Variants in LRRTM4 observed in about 807,000 individuals in gnomAD.
The protein encoded by LRRTM4 is leucine-rich repeat transmembrane neuronal protein 4.
In LRRTM4, 25 loss-of-function variants were observed where a neutral mutation model predicts 47.6. The observed-to-expected ratio is 0.53, with a 90% CI of 0.38 to 0.73. The LOEUF (loss-of-function observed/expected upper bound fraction) is 0.73. LRRTM4 is among the 30% of genes least tolerant of loss of function. The pLI is 0.00. For synonymous variants in LRRTM4, 311 were observed against 269.5 expected (o/e 1.15, Z -1.51); for missense variants, 638 against 713.4 (o/e 0.89, Z 1.20).
At chr2:77,354,110 G>A (rs1221507834) in intron 3 of LRRTM4, among the ~76,000 whole-genome samples, 4 of 152,162 alleles carry the variant, frequency 2.6e-5, no homozygotes, top group African/African-American at 9.7e-5. Flanking sequence ...CACTGCTATG[G>A]AAAGGGGCAG....
In LRRTM4 at chr2:76,750,018, A is replaced by G. The variant is rs377063244; in HGVS notation, c.1552-1102T>C. Among the ~76,000 whole-genome samples the G allele has an allele frequency of 5.3e-4, 81 of 152,282 alleles. No individual in the cohort carries two copies. The East Asian group carries it at 0.014, about 26-fold the overall frequency. ...CTGAGGTTTGGACTTTGCAAACCAC[A>G]TATCTGTTTTATTTGTGGTTTCCTG... On this transcript the variant is annotated intron_variant, in intron 3 of 3. Coordinates refer to ENST00000409884, the MANE Select transcript of LRRTM4 (RefSeq NM_001134745.3).
intron 3 of LRRTM4, among the ~76,000 whole-genome samples, chr2:76,966,970 T>C (rs956992522): frequency 2.0e-5 from 3 of 151,524 alleles, no homozygotes; most frequent in Non-Finnish European, 3.0e-5. Flanking sequence ...TTTTCTTGTA[T>C]AATAGTATTA....
chr2:77,472,241 G>A (rs138238131), intron 3 of LRRTM4, among the ~76,000 whole-genome samples: 31 of 152,266 alleles, frequency 2.0e-4, no homozygotes, highest in Non-Finnish European at 4.0e-4. Context: ...GAAAATATGT[G>A]TGTTAGGTGA....
intron 3 of LRRTM4, among the ~76,000 whole-genome samples, chr2:77,166,809 G>C (rs532182466): frequency 2.8e-4 from 42 of 152,258 alleles, no homozygotes; most frequent in African/African-American, 9.9e-4. Flanking sequence ...ATTAATTCAA[G>C]ATGGATTAAA....
rs144184674 is a variant in LRRTM4, at chr2:77,403,174, T to C, written c.1551+115144A>G. 1.0e-3 allele frequency among the ~76,000 whole-genome samples: 159 copies of C among 152,146 alleles called. 1 individual carries two copies. Among genetic ancestry groups the C allele is most frequent in the African/African-American group, 3.7e-3 (152 of 41,552 alleles). On this transcript the variant is annotated intron_variant, in intron 3 of 3. Transcript: ENST00000409884. ...CAGGTAAAATGTAAAGTACCTAATC[T>C]GACTGGGAAAAAAACTCTTAATAAT...
intron 3 of LRRTM4, among the ~76,000 whole-genome samples, chr2:77,488,614 G>A (rs1678018510): frequency 1.3e-5 from 2 of 152,192 alleles, no homozygotes; most frequent in Admixed American, 1.3e-4. Context: ...ATTTTAAAGT[G>A]ACATATTTGC....
chr2:77,017,199 G>C (rs1678101355), intron 3 of LRRTM4, among the ~76,000 whole-genome samples: 1 of 152,116 alleles, frequency 6.6e-6, no homozygotes, highest in Admixed American at 6.5e-5. Context: ...TGATATCCAA[G>C]GTGGCAAAGA....
At chr2:77,337,256 T>G (rs572848532) in intron 3 of LRRTM4, among the ~76,000 whole-genome samples, 3 of 152,122 alleles carry the variant, frequency 2.0e-5, no homozygotes, top group Non-Finnish European at 4.4e-5. Flanking sequence ...TCATGCTCAT[T>G]GTTTGGAAGA....
At chr2:77,318,301 C>T (rs902142946) in intron 3 of LRRTM4, among the ~76,000 whole-genome samples, 3 of 152,110 alleles carry the variant, frequency 2.0e-5, no homozygotes, top group African/African-American at 4.8e-5. Flanking sequence ...CCACCGCGCC[C>T]GGCCCCAACA....
intron 3 of LRRTM4, among the ~76,000 whole-genome samples, chr2:77,304,561 T>C (rs1045955905): frequency 2.6e-5 from 4 of 151,928 alleles, no homozygotes; most frequent in Non-Finnish European, 5.9e-5. Flanking sequence ...ACTTGAGACA[T>C]AGGATGAATA....
chr2:77,005,439 G>A (rs912555903), intron 3 of LRRTM4, among the ~76,000 whole-genome samples: 1 of 152,156 alleles, frequency 6.6e-6, no homozygotes, highest in Non-Finnish European at 1.5e-5. Flanking sequence ...CACCGTGCCT[G>A]GCTGATTGTG....
chr2:77,517,519 A>T, intron 3 of LRRTM4: 1 of 985,176 alleles, frequency 1.0e-6, no homozygotes, highest in African/African-American at 1.7e-5. Flanking sequence ...GTTACCAGGG[A>T]CAAAGCCAAA....
chr2:77,360,508 ATACGATACG>A (rs1171482279), intron 3 of LRRTM4, among the ~76,000 whole-genome samples: 9 of 150,634 alleles, frequency 6.0e-5, no homozygotes, highest in Non-Finnish European at 1.3e-4. Flanking sequence ...ATACGATACG[ATACGATACG>A]ATACGATACG....
chr2:77,303,204 T>C (rs1393146676), intron 3 of LRRTM4, among the ~76,000 whole-genome samples: 1 of 152,034 alleles, frequency 6.6e-6, no homozygotes, highest in East Asian at 1.9e-4. Context: ...GAGGTTGCAG[T>C]GAGCCAAGAT....
chr2:77,516,411 A>C (rs771054489), intron 3 of LRRTM4, among the ~76,000 whole-genome samples: 7 of 151,880 alleles, frequency 4.6e-5, no homozygotes, highest in Non-Finnish European at 7.4e-5. Context: ...CCCAGTTCTC[A>C]AATCCTGGTT....
At chr2:77,005,496 T>G (rs1453193636) in intron 3 of LRRTM4, among the ~76,000 whole-genome samples, 3 of 152,140 alleles carry the variant, frequency 2.0e-5, no homozygotes, top group Non-Finnish European at 2.9e-5. Flanking sequence ...AGGGGTGCAA[T>G]GATACGGTTT....
intron 3 of LRRTM4, among the ~76,000 whole-genome samples, chr2:77,491,594 C>A (rs1177693058): frequency 6.6e-6 from 1 of 151,342 alleles, no homozygotes; most frequent in African/African-American, 2.4e-5. Flanking sequence ...AAAAATTCTT[C>A]ATCAATCCAC....
At chr2:77,066,767 A>C (rs1451303480) in intron 3 of LRRTM4, among the ~76,000 whole-genome samples, 2 of 152,232 alleles carry the variant, frequency 1.3e-5, no homozygotes, top group Admixed American at 1.3e-4. Context: ...GGAGCTACTA[A>C]AGATTGACAT....
chr2:77,331,918 A>G (rs1385824736), intron 3 of LRRTM4, among the ~76,000 whole-genome samples: 1 of 152,194 alleles, frequency 6.6e-6, no homozygotes, highest in East Asian at 1.9e-4. Context: ...CAATTTAATT[A>G]TTTTTGTAAA....
Sources: gnomAD v4.1 joint callset for allele counts (sites outside exome capture counted in the v4.1 genomes callset) on GRCh38, gnomAD v4.1.1 for gene constraint, MANE v1.5 for transcripts, NCBI Gene and HGNC (gene_info 2026-07-23, HGNC 2026-07-21) for gene names.